ZCCHC8: variants seen among roughly 807,000 people sequenced by gnomAD.
ZCCHC8 encodes zinc finger CCHC domain-containing protein 8.
A neutral mutation model predicts 70.6 loss-of-function variants in ZCCHC8; 27 were observed. The observed-to-expected ratio is 0.38, with a 90% CI of 0.28 to 0.53. The LOEUF (loss-of-function observed/expected upper bound fraction) is 0.53. ZCCHC8 is among the 20% of genes least tolerant of loss of function. The pLI is 0.81. For missense variants in ZCCHC8, 737 were observed against 876.9 expected, an observed-to-expected ratio of 0.84 and a Z score of 2.01; for synonymous variants, 293 against 317.4, an observed-to-expected ratio of 0.92 and a Z score of 0.82.
chr12:122,482,348 CAA>C (rs1203851270), intron 8 of ZCCHC8: 1 of 436,078 alleles, frequency 2.3e-6, no homozygotes, highest in African/African-American at 2.0e-5. Flanking sequence ...ATCTCAAATA[CAA>C]AGAGTACTGT....
chr12:122,496,907 G>A (rs1322989874), intron 2 of ZCCHC8, among the ~76,000 whole-genome samples: 1 of 152,186 alleles, frequency 6.6e-6, no homozygotes, highest in African/African-American at 2.4e-5. Context: ...AGCACTTTGG[G>A]AAGCCGAGGC....
chr12:122,488,934 G>A (rs931817209), intron 5 of ZCCHC8, among the ~76,000 whole-genome samples: 11 of 151,496 alleles, frequency 7.3e-5, no homozygotes, highest in African/African-American at 2.4e-4. Context: ...TAACACTAAC[G>A]AATTTTGCAC....
intron 5 of ZCCHC8, chr12:122,484,011 T>G (rs1417076282): frequency 1.2e-5 from 2 of 164,064 alleles, no homozygotes; most frequent in African/African-American, 4.8e-5. Context: ...ATACCCAATG[T>G]ATCCTTCACC....
intron 5 of ZCCHC8, among the ~76,000 whole-genome samples, chr12:122,488,106 C>T (rs879637790): frequency 4.0e-5 from 6 of 151,838 alleles, no homozygotes; most frequent in Non-Finnish European, 7.4e-5. Flanking sequence ...TCTCGGCTCA[C>T]TGCAGCCTCA....
Position 122,477,244 on chromosome 12 carries a change from T to A in ZCCHC8, c.1345+597A>T, listed in dbSNP as rs1168349651. Among the ~76,000 whole-genome samples, 100 of 146,134 alleles carry A rather than the reference T, an allele frequency of 6.8e-4. 1 individual carries two copies. The highest frequency in any genetic ancestry group is 2.5e-3 in the African/African-American group (99 of 40,340). ...ATCTCGGCTCACTGCAACCTCCACC[T>A]CCCTGGTTCATGCCATTCTCCTGCC... On this transcript the variant is annotated intron_variant, in intron 13 of 13. Coordinates refer to ENST00000633063, the MANE Select transcript of ZCCHC8 (RefSeq NM_017612.5).
chr12:122,479,124 A>G (rs1239152229), intron 11 of ZCCHC8, among the ~76,000 whole-genome samples: 1 of 152,210 alleles, frequency 6.6e-6, no homozygotes, highest in Non-Finnish European at 1.5e-5. Context: ...CACCCAGGCT[A>G]AAGTGCAATG....
At chr12:122,497,090 G>C (rs1321735953) in intron 2 of ZCCHC8, among the ~76,000 whole-genome samples, 1 of 151,830 alleles carries the variant, frequency 6.6e-6, no homozygotes, top group Non-Finnish European at 1.5e-5. Flanking sequence ...GGAGGTGGAG[G>C]CTGCAGTGAG....
chr12:122,488,054 CAG>C (rs1054798768), intron 5 of ZCCHC8, among the ~76,000 whole-genome samples: 27 of 148,664 alleles, frequency 1.8e-4, no homozygotes, highest in Non-Finnish European at 3.0e-4. Flanking sequence ...TTTTTTGAGA[CAG>C]AGTCTCACTC....
chr12:122,500,924 T>C lies in ZCCHC8; in HGVS notation c.-84A>G, dbSNP rs1395264236. The C allele has an allele frequency of 2.1e-6, 3 of 1,430,086 alleles. No individual in the cohort carries two copies. The highest frequency in any genetic ancestry group is 2.2e-5 in the Admixed American group (1 of 46,186). 88.6% of individuals were successfully genotyped at this position (1,430,086 alleles called of 1,614,324 possible). On this transcript the variant is annotated 5_prime_UTR_variant, in exon 1 of 14. Coordinates refer to ENST00000633063, the MANE Select transcript of ZCCHC8 (RefSeq NM_017612.5). The surrounding 1 kb of genome is among the most constrained non-coding windows in gnomAD (Gnocchi z 4.8). ...AAGGTTGGAAGGCGGCACCACTCTCTAGAGCTCTGGCCGCACGGAGCCACC... is the reference window on the plus strand; with the variant it reads ...AAGGTTGGAAGGCGGCACCACTCTCCAGAGCTCTGGCCGCACGGAGCCACC...
Position 122,474,236 on chromosome 12 carries a change from A to T in ZCCHC8, c.1385T>A (p.Phe462Tyr). Residue 462 changes from phenylalanine (F) to tyrosine (Y), a missense_variant, in exon 14 of 14, where the codon TTT becomes TAT. Physicochemically the swap from Phe to Tyr is conservative, Grantham distance 22. Transcript: ENST00000633063. ...VPHGSQSSES[F>Y]QFQPPLPPDT... is the part of the protein sequence containing the mutation. ...AGGAGGTAATGGTGGTTGAAACTGAAAACTTTCGCTGCTCTGAGAACCATG... is the reference window on the plus strand; with the variant it reads ...AGGAGGTAATGGTGGTTGAAACTGATAACTTTCGCTGCTCTGAGAACCATG... 1.4e-6 allele frequency: 2 copies of T among 1,478,270 alleles called. No homozygotes were observed. Among genetic ancestry groups the T allele is most frequent in the Non-Finnish European group, 1.8e-6 (2 of 1,119,814 alleles). The allele number at this position is 1,478,270 out of a possible 1,614,324, so 91.6% of individuals were successfully genotyped here.
rs757134167 is a variant in ZCCHC8 at position 122,482,035 on chromosome 12, C to T, written c.785G>A (p.Cys262Tyr). The T allele has an allele frequency of 1.2e-6, 2 of 1,613,136 alleles. No homozygotes were observed. Among genetic ancestry groups the T allele is most frequent in the Non-Finnish European group, 1.7e-6 (2 of 1,179,714 alleles). ...GAAATTCTGATTGTTTGCTTCTCCA[C>T]AGGCATCCATATACTCTTTTCTCTT... ...SEKRKEYMDA[C>Y]GEANNQNFQQ... The change falls in exon 9 of 14, where the codon TGT (cysteine) becomes TAT (tyrosine). Residue 262 changes from cysteine to tyrosine, a missense_variant. Cys to Tyr is a radical substitution (Grantham distance 194, BLOSUM62 -2). Transcript: ENST00000633063.
chr12:122,482,799 C>A, intron 7 of ZCCHC8, 104 bp from the exon 8 acceptor site: 2 of 918,320 alleles, frequency 2.2e-6, no homozygotes, highest in East Asian at 5.3e-5. Context: ...GACAAGAAAG[C>A]AAGTTGATCA....
intron 9 of ZCCHC8, 46 bp downstream of exon 9, chr12:122,481,893 CCAAATG>C: frequency 6.3e-7 from 1 of 1,579,398 alleles, no homozygotes; most frequent in Non-Finnish European, 8.6e-7. Flanking sequence ...ACAGAACATT[CCAAATG>C]CTAGGGAAAT....
intron 10 of ZCCHC8, 165 bp downstream of exon 10, chr12:122,481,356 AT>A: frequency 1.1e-6 from 1 of 933,044 alleles, no homozygotes; most frequent in Non-Finnish European, 1.5e-6. Flanking sequence ...ACTCACTGAA[AT>A]TTTATTCCTT....
chr12:122,483,211 C>T lies in ZCCHC8; in HGVS notation c.671+68G>A. On this transcript the variant is annotated intron_variant, in intron 7 of 13. Transcript: ENST00000633063. This position sits in a 1 kb window ranked among gnomAD's most constrained non-coding sequence, Gnocchi z 4.4. ...CCAGCAGTAAAGAACATGAACTTTT[C>T]AAGCCAAAAGTTTATGATTTTGGTT... The T allele has an allele frequency of 2.1e-6, 3 of 1,438,728 alleles. No homozygotes were observed. Among genetic ancestry groups the T allele is most frequent in the Non-Finnish European group, 2.8e-6 (3 of 1,054,426 alleles). The allele number at this position is 1,438,728 out of a possible 1,614,324, so 89.1% of individuals were successfully genotyped here. A position where few individuals can be genotyped will look rare whatever the true frequency, so the allele number is the denominator to read the frequency against.
rs954367331 is a variant in ZCCHC8 at position 122,500,546 on chromosome 12, G to A, written c.199+96C>T. ...TCTGGCCCTCCTGGAACTTCCGCCC[G>A]CGCCCTCGCCCTCGCCCGGCGCTGC... On this transcript the variant is annotated intron_variant, in intron 1 of 13. Transcript: ENST00000633063. The surrounding 1 kb of genome is among the most constrained non-coding windows in gnomAD (Gnocchi z 4.8). 5.8e-6 allele frequency: 8 copies of A among 1,380,214 alleles called. No individual in the cohort carries two copies. The highest frequency in any genetic ancestry group is 7.6e-6 in the Non-Finnish European group (8 of 1,045,934). The allele number at this position is 1,380,214 out of a possible 1,614,324, so 85.5% of individuals were successfully genotyped here.
chr12:122,485,130 C>G (rs963163705), intron 5 of ZCCHC8, among the ~76,000 whole-genome samples: 1 of 152,064 alleles, frequency 6.6e-6, no homozygotes, highest in Non-Finnish European at 1.5e-5. Context: ...TTTTTTGAGA[C>G]GGAGTTTCGC....
At chr12:122,481,304 C>A in intron 10 of ZCCHC8, 1 of 480,808 alleles carries the variant, frequency 2.1e-6, no homozygotes, top group Admixed American at 3.7e-5. Flanking sequence ...CTGGCCTAGA[C>A]AGTACCTGAG....
rs777624068 is a variant in ZCCHC8 at position 122,481,606 on chromosome 12, G to T, written c.934C>A (p.Arg312=). 6.2e-7 allele frequency: 1 copy of T among 1,613,884 alleles called. No individual in the cohort carries two copies. Among genetic ancestry groups the T allele is most frequent in the Admixed American group, 1.7e-5 (1 of 60,012 alleles). ...TDKSLPPFIY[R]MRQLGYPPGW... is the part of the protein sequence containing the mutation. Reference sequence around the variant, plus strand: ...GGTGGGTACCCTAGCTGGCGCATCCGATAGATAAAAGGTGGAAGACTCTTG... The same window carrying T: ...GGTGGGTACCCTAGCTGGCGCATCCTATAGATAAAAGGTGGAAGACTCTTG... The change falls in exon 10 of 14, where the codon CGG becomes AGG. Residue 312 remains arginine, a synonymous_variant. Transcript: ENST00000633063.
Sources: gnomAD v4.1 joint callset for allele counts (sites outside exome capture counted in the v4.1 genomes callset) on GRCh38, gnomAD v4.1.1 for gene constraint, Gnocchi (gnomAD v3.1) non-coding constraint, MANE v1.5 for transcripts, NCBI Gene and HGNC (gene_info 2026-07-23, HGNC 2026-07-21) for gene names.